APTX: variants seen among roughly 807,000 people sequenced by gnomAD.
APTX encodes aprataxin.
In APTX, 33 loss-of-function variants were observed where a neutral mutation model predicts 42.3. The ratio of observed to expected loss-of-function variants is 0.78; its 90% CI spans 0.59 to 1.04. APTX has a LOEUF of 1.04. APTX is among the 50% of genes least tolerant of loss of function. APTX has a pLI of 0.00. For missense variants in APTX, 421 were observed against 415.1 expected (o/e 1.01, Z -0.12); for synonymous variants, 130 against 146.7 (o/e 0.89, Z 0.82).
chr9:33,017,905 G>C (rs1412397136), intron 1 of APTX, among the ~76,000 whole-genome samples: 1 of 149,908 alleles, frequency 6.7e-6, no homozygotes, highest in African/African-American at 2.5e-5. Flanking sequence ...CTAATCACTT[G>C]GTTAGTTGCC....
intron 1 of APTX, chr9:33,001,195 C>G: frequency 1.1e-6 from 1 of 884,480 alleles, no homozygotes; most frequent in Non-Finnish European, 1.6e-6. Flanking sequence ...GAGGATGCTG[C>G]TAAGGTCCCT....
intron 1 of APTX, among the ~76,000 whole-genome samples, chr9:32,999,679 A>G (rs75726283): frequency 3.6e-3 from 542 of 152,378 alleles, no homozygotes; most frequent in African/African-American, 0.012. Flanking sequence ...TCCATAAAAT[A>G]AAAGGTAACA....
intron 1 of APTX, among the ~76,000 whole-genome samples, chr9:32,995,736 A>T (rs1213231295): frequency 3.3e-5 from 5 of 152,026 alleles, no homozygotes; most frequent in African/African-American, 9.7e-5. Context: ...AAATACAAAA[A>T]AATTAGCCGG....
At position 33,020,967 on chromosome 9, in the gene APTX, A is replaced by G. The variant is rs189005035; in HGVS notation, c.-5+4056T>C. Reference sequence around the variant, plus strand: ...AACATGGAGAAACCCTGTCTCTACTAAAAAATACAAAATTAGCCAGGCGTG... The same window carrying G: ...AACATGGAGAAACCCTGTCTCTACTGAAAAATACAAAATTAGCCAGGCGTG... On this transcript the variant is annotated intron_variant, in intron 1 of 6. Transcript: ENST00000436040. Among the ~76,000 whole-genome samples, 799 of 152,038 alleles carry G rather than the reference A, an allele frequency of 5.3e-3. 9 individuals are homozygous for G. The highest frequency in any genetic ancestry group is 0.018 in the African/African-American group (751 of 41,462).
At chr9:33,004,000 G>A (rs570867567), upstream of APTX, among the ~76,000 whole-genome samples, 1 of 152,168 alleles carries the variant, frequency 6.6e-6, no homozygotes, top group Non-Finnish European at 1.5e-5. Context: ...ATTTGCAATT[G>A]CAAGAACATG....
rs145482957 is a variant in APTX at position 33,022,754 on chromosome 9, T to C, written c.-5+2269A>G. Among the ~76,000 whole-genome samples, 746 of 152,362 alleles carry C rather than the reference T, an allele frequency of 4.9e-3. 8 individuals carry two copies. Among genetic ancestry groups the C allele is most frequent in the African/African-American group, 0.017 (722 of 41,588 alleles). ...GTAAACAGCTTGTATAATGATCCCA[T>C]TTCTGTACAAACGAAGACCACATAC... On this transcript the variant is annotated intron_variant, in intron 1 of 6. Coordinates refer to the APTX transcript ENST00000436040.
chr9:33,019,403 AAATT>A (rs1838180505), intron 1 of APTX, among the ~76,000 whole-genome samples: 1 of 152,222 alleles, frequency 6.6e-6, no homozygotes, highest in Admixed American at 6.5e-5. Flanking sequence ...TAAGAAATTT[AAATT>A]AATTTATACA....
At position 32,993,971 on chromosome 9, in the gene APTX, G is replaced by A. The variant is rs890934754; in HGVS notation, c.-4-4076C>T. ...TGATGTCAGGCGATCCGCCCACCTCGGCCTCCCAAAGTGCTGGGATTACAG... is the reference window on the plus strand; with the variant it reads ...TGATGTCAGGCGATCCGCCCACCTCAGCCTCCCAAAGTGCTGGGATTACAG... On this transcript the variant is annotated intron_variant, in intron 1 of 7. Transcript: ENST00000379817. Among the ~76,000 whole-genome samples the A allele has an allele frequency of 8.6e-5, 13 of 152,022 alleles. No homozygotes were observed. In the South Asian group the frequency reaches 1.2e-3, roughly 15 times the overall value.
chr9:32,986,050 AAAAACAAAAAAAAAAAAAAACAAG>A lies in APTX; in HGVS notation c.484-44_484-21del. On this transcript the variant is annotated intron_variant, in intron 4 of 7. Transcript: ENST00000379817. ...GGATTCCTAAAAAAAAAACAAAAAA[AAAAACAAAAAAAAAAAAAAACAAG>A]CAATGTAAATTACAAATGCCAATAA... is the stretch of plus-strand genomic sequence containing the variant. 1.5e-6 allele frequency: 1 copy of A among 664,334 alleles called. No individual in the cohort carries two copies. The highest frequency in any genetic ancestry group is 1.8e-5 in the South Asian group (1 of 54,962). The allele number at this position is 664,334 out of a possible 1,614,324, so 41.2% of individuals were successfully genotyped here.
chr9:32,980,722 T>C (rs759854800), intron 6 of APTX, among the ~76,000 whole-genome samples: 3 of 152,198 alleles, frequency 2.0e-5, no homozygotes, highest in African/African-American at 4.8e-5. Context: ...CAATCCTACT[T>C]TGAATGCATT....
At chr9:33,001,330 T>C in intron 1 of APTX, 2 of 1,523,306 alleles carry the variant, frequency 1.3e-6, no homozygotes, top group South Asian at 1.2e-5. Flanking sequence ...CCAAGGTACA[T>C]ACAGGTGTCG....
chr9:32,980,984 A>G (rs1830555315), intron 6 of APTX, among the ~76,000 whole-genome samples: 1 of 152,258 alleles, frequency 6.6e-6, no homozygotes, highest in Non-Finnish European at 1.5e-5. Context: ...AAAATGAAAT[A>G]TAAGCACTAA....
upstream of APTX, among the ~76,000 whole-genome samples, chr9:33,006,392 T>C (rs1348428251): frequency 6.6e-6 from 1 of 152,216 alleles, no homozygotes; most frequent in Admixed American, 6.5e-5. Flanking sequence ...CTCTCCAGTT[T>C]GCCACTGTTT....
intron 1 of APTX, among the ~76,000 whole-genome samples, chr9:32,999,176 CAA>C (rs1196178040): frequency 6.6e-6 from 1 of 152,158 alleles, no homozygotes; most frequent in Non-Finnish European, 1.5e-5. Context: ...CCAAAAGCAG[CAA>C]AGAGATCCAG....
intron 4 of APTX, 80 bp downstream of exon 4, chr9:32,987,464 C>T (rs905652539): frequency 6.3e-7 from 1 of 1,577,826 alleles, no homozygotes; most frequent in Non-Finnish European, 8.7e-7. Flanking sequence ...CATTTCTGAA[C>T]TTTAAAGTGT....
intron 1 of APTX, among the ~76,000 whole-genome samples, chr9:33,013,761 G>A (rs569896942): frequency 1.3e-5 from 2 of 152,272 alleles, no homozygotes; most frequent in African/African-American, 4.8e-5. Context: ...CCGAGATTGC[G>A]CCACTGCACT....
chr9:32,998,714 G>T (rs10971282), intron 1 of APTX, among the ~76,000 whole-genome samples: 14 of 151,532 alleles, frequency 9.2e-5, no homozygotes, highest in Non-Finnish European at 2.1e-4. Context: ...ACACTGGGGC[G>T]TGTCAGGGGG....
At chr9:33,018,047 G>C (rs991359991) in intron 1 of APTX, among the ~76,000 whole-genome samples, 1 of 149,292 alleles carries the variant, frequency 6.7e-6, no homozygotes, top group African/African-American at 2.5e-5. Flanking sequence ...TTATCACTTA[G>C]GAAATTTCAA....
intron 1 of APTX, among the ~76,000 whole-genome samples, chr9:32,993,605 C>G: frequency 6.6e-6 from 1 of 152,156 alleles, no homozygotes; most frequent in Non-Finnish European, 1.5e-5. Flanking sequence ...TTCTCTCTCC[C>G]TTCCTTCTAT....
Sources: allele counts gnomAD v4.1 joint callset (sites outside exome capture counted in the v4.1 genomes callset), GRCh38; gene constraint gnomAD v4.1.1; transcripts MANE v1.5; gene names NCBI Gene and HGNC (gene_info 2026-07-23, HGNC 2026-07-21).